Variants in PPFIBP2 observed in about 807,000 individuals in gnomAD.
PPFIBP2 encodes the protein liprin-beta-2.
PPFIBP2 carries 118 observed loss-of-function variants against 118.3 expected under a neutral mutation model. That is an observed-to-expected ratio of 1.00 (90% CI 0.86 to 1.16). PPFIBP2 has a LOEUF of 1.16. Among genes scored for constraint, PPFIBP2 ranks in the 50% most tolerant of loss-of-function variants. The probability of loss-of-function intolerance (pLI) is 0.00; values close to 1 mark genes in which losing one functional copy is unlikely to be tolerated. For synonymous variants in PPFIBP2, 414 were observed against 397.4 expected, an observed-to-expected ratio of 1.04 and a Z score of -0.50; for missense variants, 1,195 against 1,073.1, an observed-to-expected ratio of 1.11 and a Z score of -1.59.
rs896687695 is a variant in PPFIBP2, at chr11:7,604,560, CCACACACACACCT to C, written c.487-5730_487-5718del. On this transcript the variant is annotated intron_variant, in intron 5 of 23. Coordinates refer to ENST00000299492, the MANE Select transcript of PPFIBP2 (RefSeq NM_003621.5). ...TCACCCAGCCATACACACACACACC[CCACACACACACCT>C]ACTCACCCACCCATCCACACACACA... 2.0e-5 allele frequency among the ~76,000 whole-genome samples: 3 copies of C among 150,218 alleles called. No homozygotes were observed. In the Admixed American group the frequency reaches 2.0e-4, roughly 10 times the overall value.
intron 1 of PPFIBP2, among the ~76,000 whole-genome samples, chr11:7,523,951 C>T (rs1249937975): frequency 6.6e-6 from 1 of 152,202 alleles, no homozygotes; most frequent in Non-Finnish European, 1.5e-5. Context: ...ATGCAGCCAT[C>T]ACATGCAGCT....
At chr11:7,622,363 A>G (rs897281556) in intron 7 of PPFIBP2, among the ~76,000 whole-genome samples, 6 of 152,216 alleles carry the variant, frequency 3.9e-5, no homozygotes, top group African/African-American at 7.2e-5. Context: ...CCCACCTCCA[A>G]TATCGGGGAT....
intron 1 of PPFIBP2, among the ~76,000 whole-genome samples, chr11:7,528,639 C>T (rs189887609): frequency 6.6e-6 from 1 of 152,114 alleles, no homozygotes; most frequent in Non-Finnish European, 1.5e-5. Context: ...GGGCAGTAAC[C>T]CAGGTGGGGC....
chr11:7,584,912 T>TTTGATAAGATCCTC (rs1197268936), intron 3 of PPFIBP2, among the ~76,000 whole-genome samples: 2 of 152,216 alleles, frequency 1.3e-5, no homozygotes, highest in Non-Finnish European at 2.9e-5. Context: ...TTTTCTGGAT[T>TTTGATAAGATCCTC]TTGATAAGAT....
intron 10 of PPFIBP2, 82 bp from the exon 11 acceptor site, chr11:7,630,843 A>T: frequency 1.0e-6 from 1 of 989,488 alleles, no homozygotes; most frequent in Non-Finnish European, 1.6e-6. Flanking sequence ...TGAAGGAGAA[A>T]CAATGTTAGA....
intron 3 of PPFIBP2, among the ~76,000 whole-genome samples, chr11:7,590,371 T>C (rs1387152104): frequency 6.6e-6 from 1 of 152,106 alleles, no homozygotes; most frequent in African/African-American, 2.4e-5. Context: ...AAAAGCTTGC[T>C]GGAGAACGGT....
At chr11:7,632,591 C>A in intron 11 of PPFIBP2, 1 of 240,604 alleles carries the variant, frequency 4.2e-6, no homozygotes, top group Non-Finnish European at 8.2e-6. Flanking sequence ...AGAAAAAGCC[C>A]AAGAACCCAG....
At chr11:7,553,576 C>T (rs1853242841) in intron 2 of PPFIBP2, among the ~76,000 whole-genome samples, 1 of 152,114 alleles carries the variant, frequency 6.6e-6, no homozygotes, top group South Asian at 2.1e-4. Flanking sequence ...CCCAGCTCAG[C>T]CATTTAGTGC....
intron 2 of PPFIBP2, among the ~76,000 whole-genome samples, chr11:7,556,844 G>C (rs903098281): frequency 4.6e-5 from 7 of 152,198 alleles, no homozygotes; most frequent in African/African-American, 1.7e-4. Context: ...ATCTGTATCT[G>C]TCTTCTGTCT....
At chr11:7,625,657 C>G in intron 7 of PPFIBP2, 120 bp from the exon 8 acceptor site, 1 of 744,556 alleles carries the variant, frequency 1.3e-6, no homozygotes. Flanking sequence ...TCCTGCTCAC[C>G]TCTTCTCCTA....
intron 1 of PPFIBP2, among the ~76,000 whole-genome samples, chr11:7,525,570 G>A (rs1173544989): frequency 6.6e-6 from 1 of 152,182 alleles, no homozygotes; most frequent in African/African-American, 2.4e-5. Flanking sequence ...CCATGACAAG[G>A]TAGAGAACAG....
At position 7,639,948 on chromosome 11, in the gene PPFIBP2, C is replaced by T. The variant is rs564493413; in HGVS notation, c.1375+78C>T. ...TCAATGATTGTATAAGATCCCTGCA[C>T]CTACCACCACAATCCACAATTGGAG... On this transcript the variant is annotated intron_variant, in intron 15 of 23. Transcript: ENST00000299492. The T allele has an allele frequency of 1.8e-3, 2,719 of 1,514,912 alleles. 65 individuals carry two copies. The South Asian group carries it at 0.034, about 19-fold the overall frequency. The allele number at this position is 1,514,912 out of a possible 1,614,324, so 93.8% of individuals were successfully genotyped here. A position where few individuals can be genotyped will look rare whatever the true frequency, so the allele number is the denominator to read the frequency against.
chr11:7,662,335 C>T, the PPFIBP2 span, among the ~76,000 whole-genome samples: 961 of 152,272 alleles, frequency 6.3e-3, 13 homozygotes, highest in African/African-American at 0.022. Context: ...TCTTTTAGGG[C>T]AGGCCTAGTG....
downstream of PPFIBP2, chr11:7,655,608 G>A: frequency 1.1e-6 from 1 of 899,830 alleles, no homozygotes; most frequent in Non-Finnish European, 1.6e-6. Context: ...GAAGAATGGT[G>A]CTTAGTGCTG....
intron 5 of PPFIBP2, among the ~76,000 whole-genome samples, chr11:7,609,221 T>G (rs1396279519): frequency 6.6e-6 from 1 of 152,048 alleles, no homozygotes; most frequent in African/African-American, 2.4e-5. Flanking sequence ...TGAGTCAGAG[T>G]GTTGAGATTG....
intron 2 of PPFIBP2, among the ~76,000 whole-genome samples, chr11:7,554,336 G>C (rs1590216192): frequency 6.6e-6 from 1 of 152,176 alleles, no homozygotes; most frequent in East Asian, 1.9e-4. Context: ...TGTATTCAGT[G>C]ATCACTAGTA....
At chr11:7,609,794 C>G (rs933606911) in intron 5 of PPFIBP2, among the ~76,000 whole-genome samples, 8 of 152,154 alleles carry the variant, frequency 5.3e-5, no homozygotes, top group African/African-American at 1.9e-4. Context: ...TGCACATCTA[C>G]TTTGTGTTCT....
intron 1 of PPFIBP2, among the ~76,000 whole-genome samples, chr11:7,536,321 G>A (rs950498558): frequency 5.3e-5 from 8 of 152,162 alleles, no homozygotes; most frequent in Middle Eastern, 3.2e-3. Flanking sequence ...CACCACTGGG[G>A]GTGTCAGAGA....
chr11:7,649,045 G>A, intron 19 of PPFIBP2, 102 bp from the exon 20 acceptor site: 1 of 1,370,022 alleles, frequency 7.3e-7, no homozygotes, highest in Non-Finnish European at 1.0e-6. Flanking sequence ...ACTTTTGGGG[G>A]AATAAAACGA....
Sources: allele counts gnomAD v4.1 joint callset (sites outside exome capture counted in the v4.1 genomes callset), GRCh38; gene constraint gnomAD v4.1.1; transcripts MANE v1.5; gene names NCBI Gene and HGNC (gene_info 2026-07-23, HGNC 2026-07-21).